TMEM150C: variants seen among roughly 807,000 people sequenced by gnomAD.
The protein encoded by TMEM150C is transmembrane protein 150C, also known as tentonin 3.
A neutral mutation model predicts 29.9 loss-of-function variants in TMEM150C; 10 were observed. The ratio of observed to expected loss-of-function variants is 0.33; its 90% CI spans 0.21 to 0.57. The LOEUF (loss-of-function observed/expected upper bound fraction) is 0.57. Among genes scored for constraint, TMEM150C ranks in the 20% least tolerant of loss-of-function variants. The probability of loss-of-function intolerance (pLI) is 0.88; values close to 1 mark genes in which losing one functional copy is unlikely to be tolerated. For missense variants in TMEM150C, 251 were observed against 303.6 expected, an observed-to-expected ratio of 0.83 and a Z score of 1.29; for synonymous variants, 101 against 112.5, an observed-to-expected ratio of 0.90 and a Z score of 0.64.
chr4:82,542,748 G>A lies in TMEM150C; in HGVS notation c.-11+19158C>T, dbSNP rs557312080. Among the ~76,000 whole-genome samples the A allele has an allele frequency of 3.4e-4, 52 of 152,260 alleles. 1 individual carries two copies. The highest frequency in any genetic ancestry group is 7.1e-4 in the Non-Finnish European group (48 of 68,038). On this transcript the variant is annotated intron_variant, in intron 1 of 7. Coordinates refer to ENST00000449862, the MANE Select transcript of TMEM150C (RefSeq NM_001080506.3). ...GGTCAGTTCAAGCTCAGTCCTTCTT[G>A]GAACCTTATATTTGCATCAAGGTGA...
chr4:82,518,859 T>C (rs1229008659), intron 1 of TMEM150C, among the ~76,000 whole-genome samples: 3 of 152,222 alleles, frequency 2.0e-5, no homozygotes, highest in Non-Finnish European at 4.4e-5. Flanking sequence ...TATTCTTCTT[T>C]TAGAAGTAGC....
Position 82,490,102 on chromosome 4 carries a change from C to T in TMEM150C, c.500G>A (p.Arg167Gln), listed in dbSNP as rs770541725. ...KNEGRRVGIPRVILSASITLC... is the reference protein window; with the variant it reads ...KNEGRRVGIPQVILSASITLC... ...AGTGATAGATGCCGACAGAATAACC[C>T]GTGGAATTCCAACTCTCCGTCCTTC... Residue 167 changes from arginine to glutamine, a missense_variant, in exon 7 of 8, where the codon CGG becomes CAG. Coordinates refer to ENST00000449862, the MANE Select transcript of TMEM150C (RefSeq NM_001080506.3). The T allele has an allele frequency of 1.2e-5, 20 of 1,613,854 alleles. No homozygotes were observed. The highest frequency in any genetic ancestry group is 1.6e-4 in the Middle Eastern group (1 of 6,084).
intron 7 of TMEM150C, among the ~76,000 whole-genome samples, chr4:82,489,483 T>A (rs1204862484): frequency 6.6e-6 from 1 of 152,114 alleles, no homozygotes; most frequent in African/African-American, 2.4e-5. Flanking sequence ...GCTCCTAGCA[T>A]CTATTCTCAA....
At chr4:82,528,475 C>T (rs1043083481) in intron 1 of TMEM150C, among the ~76,000 whole-genome samples, 1 of 152,134 alleles carries the variant, frequency 6.6e-6, no homozygotes. Flanking sequence ...GAAGATGGCA[C>T]GTGTTCCAAA....
At chr4:82,507,727 CTTTTTTTTTTTTTTTTTTTT>C (rs869112887) in intron 1 of TMEM150C, among the ~76,000 whole-genome samples, 49 of 20,594 alleles carry the variant, frequency 2.4e-3, no homozygotes, top group Middle Eastern at 0.036. Context: ...CTCTCTCTCT[CTTTTTTTTTTTTTTTTTTTT>C]TTTTTTTTTT....
At chr4:82,487,250 A>G (rs1723194076) in intron 7 of TMEM150C, among the ~76,000 whole-genome samples, 2 of 152,160 alleles carry the variant, frequency 1.3e-5, no homozygotes, top group African/African-American at 4.8e-5. Context: ...GTAGTTCGAG[A>G]CCAGCCTGGG....
chr4:82,495,037 CACGTGGAGTAACAAGAT>C, intron 6 of TMEM150C: 1 of 1,227,984 alleles, frequency 8.1e-7, no homozygotes, highest in South Asian at 1.5e-5. Context: ...TGCTGCAGGA[CACGTGGAGTAACAAGAT>C]GCTGAATCTT....
Position 82,484,519 on chromosome 4 carries a change from TGTCCAGCAGCA to T in TMEM150C, c.*981_*991del, listed in dbSNP as rs1394813870. 4 of 152,148 alleles carry T rather than the reference TGTCCAGCAGCA, an allele frequency of 2.6e-5. No individual in the cohort carries two copies. The highest frequency in any genetic ancestry group is 4.4e-5 in the Non-Finnish European group (3 of 68,026). The allele number at this position is 152,148 out of a possible 1,614,324, so 9.4% of individuals were successfully genotyped here. On this transcript the variant is annotated 3_prime_UTR_variant, in exon 8 of 8. Transcript: ENST00000449862. ...CTGTAAGGTGCCTATCTTTGATAAATGTCCAGCAGCAGCTCTTTTTATTACCTCTGCACATC... is the reference window on the plus strand; with the variant it reads ...CTGTAAGGTGCCTATCTTTGATAAATGCTCTTTTTATTACCTCTGCACATC...
intron 1 of TMEM150C, among the ~76,000 whole-genome samples, chr4:82,544,773 T>C (rs1265952695): frequency 9.8e-6 from 1 of 102,130 alleles, no homozygotes; most frequent in African/African-American, 8.8e-5. Context: ...AGTAAGACTA[T>C]GCAAAAAAAA....
intron 6 of TMEM150C, among the ~76,000 whole-genome samples, chr4:82,492,367 A>T (rs1469253808): frequency 6.6e-6 from 1 of 151,662 alleles, no homozygotes; most frequent in Non-Finnish European, 1.5e-5. Context: ...ACCTCAGATG[A>T]TCCACCCGCC....
chr4:82,537,562 G>C (rs537677089), intron 1 of TMEM150C, among the ~76,000 whole-genome samples: 1 of 152,288 alleles, frequency 6.6e-6, no homozygotes, highest in Non-Finnish European at 1.5e-5. Flanking sequence ...ACTGAATTGT[G>C]TCCCTCCAGA....
intron 6 of TMEM150C, among the ~76,000 whole-genome samples, chr4:82,493,619 G>A (rs1723443984): frequency 1.3e-5 from 2 of 152,108 alleles, no homozygotes; most frequent in Admixed American, 6.5e-5. Context: ...CTTTTGTAAA[G>A]AACAAAATGT....
chr4:82,486,335 T>TAAAAAAAAAA (rs527967958), intron 7 of TMEM150C, among the ~76,000 whole-genome samples: 23 of 51,304 alleles, frequency 4.5e-4, no homozygotes, highest in African/African-American at 2.1e-3. Flanking sequence ...GACTCCATCT[T>TAAAAAAAAAA]AAAAAAAAAA....
At chr4:82,515,253 C>T (rs1724254156) in intron 1 of TMEM150C, among the ~76,000 whole-genome samples, 1 of 152,150 alleles carries the variant, frequency 6.6e-6, no homozygotes, top group South Asian at 2.1e-4. Flanking sequence ...TAGCAGTGGC[C>T]CACCTTTGAC....
In TMEM150C at chr4:82,488,907, G is replaced by A. The variant is rs556124508; in HGVS notation, c.541+1154C>T. ...GTGCTAGGATTACAGCATGAGCCACGGCACCAGGCCTTTATTATTTATTTA... is the reference window on the plus strand; with the variant it reads ...GTGCTAGGATTACAGCATGAGCCACAGCACCAGGCCTTTATTATTTATTTA... On this transcript the variant is annotated intron_variant, in intron 7 of 7. Transcript: ENST00000449862. Among the ~76,000 whole-genome samples the A allele has an allele frequency of 4.6e-5, 7 of 151,904 alleles. No homozygotes were observed. In the East Asian group the frequency reaches 9.7e-4, roughly 21 times the overall value.
chr4:82,485,747 C>A, intron 7 of TMEM150C, 28 bp from the exon 8 acceptor site: 2 of 1,564,924 alleles, frequency 1.3e-6, no homozygotes, highest in Non-Finnish European at 1.7e-6. Flanking sequence ...AGGAAAATAC[C>A]CTCATCAGCC....
intron 6 of TMEM150C, chr4:82,491,431 TG>T: frequency 1.5e-6 from 1 of 676,396 alleles, no homozygotes; most frequent in Non-Finnish European, 2.7e-6. Flanking sequence ...TTATAGAGGA[TG>T]GCTGTCTGCC....
At chr4:82,511,229 C>G (rs1724112513) in intron 1 of TMEM150C, among the ~76,000 whole-genome samples, 1 of 152,144 alleles carries the variant, frequency 6.6e-6, no homozygotes, top group Non-Finnish European at 1.5e-5. Flanking sequence ...CAACATTTTT[C>G]ATAAGTGCTG....
At chr4:82,537,968 T>C (rs981213024) in intron 1 of TMEM150C, among the ~76,000 whole-genome samples, 3 of 152,212 alleles carry the variant, frequency 2.0e-5, no homozygotes, top group African/African-American at 4.8e-5. Flanking sequence ...TGGTAATTTG[T>C]TGTGGCAGCC....
Sources: allele counts gnomAD v4.1 joint callset (sites outside exome capture counted in the v4.1 genomes callset), GRCh38; gene constraint gnomAD v4.1.1; transcripts MANE v1.5; gene names NCBI Gene and HGNC (gene_info 2026-07-23, HGNC 2026-07-21).